Variants in KIF11 observed in about 807,000 individuals in gnomAD.
KIF11 encodes kinesin-like protein KIF11.
KIF11 carries 9 observed loss-of-function variants against 121.0 expected under a neutral mutation model. The ratio of observed to expected loss-of-function variants is 0.07; its 90% confidence interval spans 0.04 to 0.13. The LOEUF (loss-of-function observed/expected upper bound fraction) is 0.13. Among genes scored for constraint, KIF11 ranks in the 10% least tolerant of loss-of-function variants. KIF11 has a pLI of 1.00. For missense variants in KIF11, 846 were observed against 1,217.5 expected (o/e 0.69, Z 4.54); for synonymous variants, 408 against 421.0 (o/e 0.97, Z 0.38).
chr10:92,645,409 T>C lies in KIF11; in HGVS notation c.2314T>C (p.Phe772Leu). ...VNKMTFHSQK[F>L]CADSDGFSQE... ...CAAAATGACTTTTCACAGTCAAAAA[T>C]TTTGTGCTGATTCTGATGGCTTCTC... Residue 772 changes from phenylalanine (F) to leucine (L), a missense_variant, in exon 18 of 22, where the codon TTT (phenylalanine) becomes CTT (leucine). Around this residue, in one of 5 missense-constraint regions of KIF11, gnomAD observed 492 missense variants for 603.4 expected, o/e 0.82. Transcript: ENST00000260731. The C allele has an allele frequency of 6.2e-7, 1 of 1,613,198 alleles. No individual in the cohort carries two copies.
chr10:92,616,793 T>C lies in KIF11; in HGVS notation c.1089T>C (p.Pro363=). ...GAGCAAAGAACATATTGAATAAGCCTGAAGTGAATCAGAAACTCACCAAAA... is the reference window on the plus strand; with the variant it reads ...GAGCAAAGAACATATTGAATAAGCCCGAAGTGAATCAGAAACTCACCAAAA... The part of the protein sequence containing the change: ...AHRAKNILNK[P]EVNQKLTKKA... The change falls in exon 9 of 22, where the codon CCT becomes CCC. Residue 363 remains proline, a synonymous_variant. Transcript: ENST00000260731. 6.2e-7 allele frequency: 1 copy of C among 1,606,370 alleles called. No homozygotes were observed. The highest frequency in any genetic ancestry group is 1.1e-5 in the South Asian group (1 of 89,764).
chr10:92,608,593 C>T (rs1423762453), intron 4 of KIF11, among the ~76,000 whole-genome samples: 1 of 152,174 alleles, frequency 6.6e-6, no homozygotes, highest in Non-Finnish European at 1.5e-5. Context: ...TACATACCAC[C>T]AAGTCCGGCT....
intron 21 of KIF11, among the ~76,000 whole-genome samples, chr10:92,651,528 T>TG (rs1844982904): frequency 4.2e-5 from 5 of 118,428 alleles, no homozygotes; most frequent in Non-Finnish European, 7.5e-5. Flanking sequence ...TTTTTTTTTT[T>TG]TTTTTTTTTT....
At chr10:92,599,303 G>A (rs1307521992) in intron 1 of KIF11, among the ~76,000 whole-genome samples, 1 of 151,644 alleles carries the variant, frequency 6.6e-6, no homozygotes, top group African/African-American at 2.4e-5. Flanking sequence ...CCCAACTCCT[G>A]ATCACGAGAT....
chr10:92,627,666 G>C (rs1844694899), intron 10 of KIF11, among the ~76,000 whole-genome samples: 1 of 151,942 alleles, frequency 6.6e-6, no homozygotes, highest in Non-Finnish European at 1.5e-5. Flanking sequence ...TTTTTGGCTG[G>C]CAATTAAGAT....
chr10:92,630,449 TTTATTC>T (rs1589601384), intron 12 of KIF11, 85 bp downstream of exon 12: 3 of 667,728 alleles, frequency 4.5e-6, no homozygotes, highest in Non-Finnish European at 7.2e-6. Flanking sequence ...AAATATTCTG[TTTATTC>T]ACCCCAAATG....
At chr10:92,597,853 G>A (rs1364244266) in intron 1 of KIF11, among the ~76,000 whole-genome samples, 1 of 152,050 alleles carries the variant, frequency 6.6e-6, no homozygotes, top group Non-Finnish European at 1.5e-5. Flanking sequence ...GTTTCACCAT[G>A]TTGGTCAGGC....
intron 1 of KIF11, among the ~76,000 whole-genome samples, chr10:92,594,556 C>T (rs1564700505): frequency 6.6e-6 from 1 of 152,082 alleles, no homozygotes; most frequent in Non-Finnish European, 1.5e-5. Flanking sequence ...GCAATATTAC[C>T]TTTTCCGTAT....
At chr10:92,609,267 A>G (rs575550474) in intron 5 of KIF11, 62 bp downstream of exon 5, 1 of 446,030 alleles carries the variant, frequency 2.2e-6, no homozygotes. Flanking sequence ...TTGAGAAGTC[A>G]GAGAGAGAGA....
In KIF11 at chr10:92,593,332, G is replaced by T. The variant is rs1006674521; in HGVS notation, c.-44G>T. 1.9e-6 allele frequency: 3 copies of T among 1,571,536 alleles called. No homozygotes were observed. The highest frequency in any genetic ancestry group is 2.7e-5 in the African/African-American group (2 of 74,372). ...GCCAAGCCCCTCCGCCCCTCACAGC[G>T]CCCAGGTCCGCGGCCGGGCCTTGAT... On this transcript the variant is annotated 5_prime_UTR_variant, in exon 1 of 22. Coordinates refer to ENST00000260731, the MANE Select transcript of KIF11 (RefSeq NM_004523.4).
chr10:92,646,396 G>A (rs1420466257), intron 18 of KIF11, among the ~76,000 whole-genome samples: 1 of 152,036 alleles, frequency 6.6e-6, no homozygotes, highest in Non-Finnish European at 1.5e-5. Context: ...TTTGTAACTT[G>A]GTTTTTTCTT....
At chr10:92,638,587 C>G (rs573540290) in intron 16 of KIF11, among the ~76,000 whole-genome samples, 3 of 152,252 alleles carry the variant, frequency 2.0e-5, no homozygotes, top group African/African-American at 7.2e-5. Flanking sequence ...AAAATCTGAT[C>G]TGAAAAGTAT....
chr10:92,643,450 CATT>C (rs1240903040), intron 17 of KIF11, among the ~76,000 whole-genome samples: 5 of 151,506 alleles, frequency 3.3e-5, no homozygotes, highest in African/African-American at 1.2e-4. Context: ...TCCCGTTTGT[CATT>C]ATTTTCATAT....
chr10:92,621,337 G>T, intron 9 of KIF11, 48 bp from the exon 10 acceptor site: 1 of 1,143,824 alleles, frequency 8.7e-7, no homozygotes. Flanking sequence ...TTCCCAAACT[G>T]AATGAAAAAA....
At chr10:92,638,609 T>C (rs753663589) in intron 16 of KIF11, among the ~76,000 whole-genome samples, 2 of 152,180 alleles carry the variant, frequency 1.3e-5, no homozygotes, top group Non-Finnish European at 2.9e-5. Context: ...TTAGCATGAA[T>C]GGTTTGGCTT....
chr10:92,609,299 A>AGT (rs747099759), intron 5 of KIF11, 86 bp from the exon 6 acceptor site: 595 of 715,048 alleles, frequency 8.3e-4, no homozygotes, highest in Non-Finnish European at 9.6e-4. Context: ...AGAGAGAGAG[A>AGT]GAGAGTGTGT....
Position 92,609,432 on chromosome 10 carries a change from G to A in KIF11, c.621G>A (p.Lys207=). The change falls in exon 6 of 22, where the codon AAG becomes AAA. Residue 207 remains lysine (K), a synonymous_variant. Transcript: ENST00000260731. ...TAGAAGAAATTACAGTACACAACAA[G>A]GATGAAGTCTATCAAATTTTAGAAA... ...KGLEEITVHN[K]DEVYQILEKG... is the part of the protein sequence containing the mutation. 6.2e-7 allele frequency: 1 copy of A among 1,613,604 alleles called. No homozygotes were observed.
intron 1 of KIF11, among the ~76,000 whole-genome samples, chr10:92,596,094 C>G (rs979491866): frequency 2.0e-5 from 3 of 152,168 alleles, no homozygotes; most frequent in Non-Finnish European, 4.4e-5. Flanking sequence ...AGCTCCATCT[C>G]CCGGGTTCAC....
intron 1 of KIF11, among the ~76,000 whole-genome samples, chr10:92,595,853 A>G (rs768461515): frequency 1.8e-4 from 27 of 152,152 alleles, no homozygotes; most frequent in Admixed American, 3.3e-4. Context: ...TGCTCATTCC[A>G]CTTAGGCATA....
Sources: gnomAD v4.1 joint callset for allele counts (sites outside exome capture counted in the v4.1 genomes callset) on GRCh38, gnomAD v4.1.1 for gene constraint, gnomAD v4.1.1 regional missense constraint, MANE v1.5 for transcripts, NCBI Gene and HGNC (gene_info 2026-07-23, HGNC 2026-07-21) for gene names.